The following MCPH1 variants were observed in gnomAD, a reference collection of about 807,000 sequenced individuals.
MCPH1 encodes the protein microcephalin 1.
MCPH1 carries 104 observed loss-of-function variants against 84.5 expected under a neutral mutation model. The observed-to-expected ratio is 1.23, with a 90% CI of 1.05 to 1.45. MCPH1 has a LOEUF of 1.45. MCPH1 is among the 40% of genes most tolerant of loss of function. The probability of loss-of-function intolerance (pLI) is 0.00; values close to 1 mark genes in which losing one functional copy is unlikely to be tolerated. For synonymous variants in MCPH1, 514 were observed against 366.8 expected, an observed-to-expected ratio of 1.40 and a Z score of -4.58; for missense variants, 1,498 against 1,005.7, an observed-to-expected ratio of 1.49 and a Z score of -6.62.
chr8:6,422,815 A>T (rs939857781), intron 3 of MCPH1, among the ~76,000 whole-genome samples: 13 of 152,028 alleles, frequency 8.6e-5, no homozygotes, highest in African/African-American at 3.1e-4. Context: ...CAGCCTCCCG[A>T]GTAGCTGGGA....
chr8:6,510,342 A>T (rs1266669963), intron 12 of MCPH1, among the ~76,000 whole-genome samples: 1 of 152,182 alleles, frequency 6.6e-6, no homozygotes, highest in African/African-American at 2.4e-5. Flanking sequence ...GGAGCCTACA[A>T]AGCAAATCCT....
chr8:6,563,955 G>C (rs924766935), intron 12 of MCPH1, among the ~76,000 whole-genome samples: 14 of 148,770 alleles, frequency 9.4e-5, no homozygotes, highest in Non-Finnish European at 1.8e-4. Context: ...TTAAGTGCCT[G>C]TGTAGAAAGA....
intron 12 of MCPH1, among the ~76,000 whole-genome samples, chr8:6,600,468 C>A (rs2515541): frequency 6.6e-6 from 1 of 152,196 alleles, no homozygotes; most frequent in Non-Finnish European, 1.5e-5. Flanking sequence ...ATTGCCACCA[C>A]TGGGGATTGG....
At chr8:6,439,223 G>A (rs1803127761) in intron 6 of MCPH1, 127 bp downstream of exon 6, 1 of 967,120 alleles carries the variant, frequency 1.0e-6, no homozygotes, top group African/African-American at 1.6e-5. Flanking sequence ...CTTATTTCAT[G>A]GCTGGCTTTG....
At chr8:6,603,157 C>T (rs868390446) in intron 12 of MCPH1, among the ~76,000 whole-genome samples, 5 of 152,016 alleles carry the variant, frequency 3.3e-5, no homozygotes, top group Admixed American at 2.6e-4. Flanking sequence ...CAGCCTCTAC[C>T]GCCGGACTCT....
intron 12 of MCPH1, chr8:6,501,981 T>C (rs1812291573): frequency 6.6e-6 from 1 of 152,090 alleles, no homozygotes; most frequent in Admixed American, 6.5e-5. Flanking sequence ...CTAGTGTCAA[T>C]TATTTTTTTC....
intron 13 of MCPH1, among the ~76,000 whole-genome samples, chr8:6,641,296 GAAAATAC>G (rs1340444576): frequency 6.6e-6 from 1 of 152,136 alleles, no homozygotes; most frequent in Non-Finnish European, 1.5e-5. Flanking sequence ...CAACCTGGAA[GAAAATAC>G]AAATGTGGCT....
chr8:6,626,337 G>A (rs756525558), intron 13 of MCPH1: 78 of 985,128 alleles, frequency 7.9e-5, no homozygotes, highest in Non-Finnish European at 9.0e-5. Context: ...CGGGGTTATC[G>A]GAAAGGGCAT....
At chr8:6,409,979 T>G (rs1318431598) in intron 2 of MCPH1, among the ~76,000 whole-genome samples, 4 of 151,852 alleles carry the variant, frequency 2.6e-5, no homozygotes, top group South Asian at 2.1e-4. Context: ...GGGAGTAATT[T>G]TTTTTTTTTG....
At chr8:6,625,490 T>G in intron 13 of MCPH1, 1 of 985,110 alleles carries the variant, frequency 1.0e-6, no homozygotes, top group Non-Finnish European at 1.2e-6. Flanking sequence ...TAGGAATATA[T>G]CAAACCATTT....
chr8:6,505,268 A>ATATTCT (rs1563305372), intron 12 of MCPH1, among the ~76,000 whole-genome samples: 29 of 111,990 alleles, frequency 2.6e-4, no homozygotes, highest in East Asian at 8.9e-4. Flanking sequence ...TGTTTTATAT[A>ATATTCT]TATGTATACA....
chr8:6,639,715 G>T (rs1457165682), intron 13 of MCPH1, among the ~76,000 whole-genome samples: 5 of 151,226 alleles, frequency 3.3e-5, no homozygotes, highest in Non-Finnish European at 7.4e-5. Context: ...TATAAACACA[G>T]ATATTGTTTA....
intron 13 of MCPH1, 47 bp downstream of exon 13, chr8:6,621,738 GA>G (rs1158920652): frequency 1.9e-6 from 3 of 1,612,978 alleles, no homozygotes; most frequent in Admixed American, 3.3e-5. Flanking sequence ...CAGATCTGTG[GA>G]CAGGTTTCCA....
chr8:6,620,535 CCT>C (rs1831303880), intron 12 of MCPH1, among the ~76,000 whole-genome samples: 1 of 152,114 alleles, frequency 6.6e-6, no homozygotes, highest in South Asian at 2.1e-4. Context: ...AGGTTATACT[CCT>C]CTGAGAAGGT....
chr8:6,623,338 C>T (rs532235488), intron 13 of MCPH1, among the ~76,000 whole-genome samples: 3 of 151,820 alleles, frequency 2.0e-5, no homozygotes, highest in Admixed American at 6.6e-5. Context: ...GAGGTACATC[C>T]CCTCTCTCTC....
chr8:6,413,753 CTTTT>C (rs1164464040), intron 2 of MCPH1, among the ~76,000 whole-genome samples: 9 of 144,900 alleles, frequency 6.2e-5, no homozygotes, highest in Non-Finnish European at 9.1e-5. Context: ...AATACAGTAT[CTTTT>C]TTTTTTTTTT....
chr8:6,571,089 G>A (rs1826624236), intron 12 of MCPH1, among the ~76,000 whole-genome samples: 1 of 151,822 alleles, frequency 6.6e-6, no homozygotes, highest in South Asian at 2.1e-4. Context: ...TCATTCTCTA[G>A]TATTATTATG....
chr8:6,439,632 G>T (rs188089858), intron 6 of MCPH1, among the ~76,000 whole-genome samples: 5 of 152,038 alleles, frequency 3.3e-5, no homozygotes, highest in African/African-American at 1.2e-4. Context: ...CTTAACCTCA[G>T]GTGATACACC....
intron 11 of MCPH1, among the ~76,000 whole-genome samples, chr8:6,488,840 C>A (rs1810245287): frequency 6.6e-6 from 1 of 151,960 alleles, no homozygotes; most frequent in Non-Finnish European, 1.5e-5. Flanking sequence ...AAGCAGGAGG[C>A]AGCTAGGGTC....
Sources: gnomAD v4.1 joint callset for allele counts (sites outside exome capture counted in the v4.1 genomes callset) on GRCh38, gnomAD v4.1.1 for gene constraint, MANE v1.5 for transcripts, NCBI Gene and HGNC (gene_info 2026-07-23, HGNC 2026-07-21) for gene names.